DPYD: variants seen among roughly 807,000 people sequenced by gnomAD.
DPYD encodes dihydropyrimidine dehydrogenase [NADP(+)].
DPYD carries 109 observed loss-of-function variants against 116.2 expected under a neutral mutation model. That is an observed-to-expected ratio of 0.94 (90% CI 0.80 to 1.10). The LOEUF is 1.10. Ranked by LOEUF, DPYD falls within the 50% of genes least tolerant of loss-of-function variation. The probability of loss-of-function intolerance (pLI) is 0.00; values close to 1 mark genes in which losing one functional copy is unlikely to be tolerated. For missense variants in DPYD, 1,302 were observed against 1,254.5 expected (o/e 1.04, Z -0.57); for synonymous variants, 440 against 432.0 (o/e 1.02, Z -0.23).
intron 2 of DPYD, among the ~76,000 whole-genome samples, chr1:97,841,621 A>C (rs1000312211): frequency 1.3e-5 from 2 of 152,030 alleles, no homozygotes. Context: ...TGAATATCTG[A>C]CATAAGTATT....
chr1:97,593,145 T>G, intron 10 of DPYD, 73 bp downstream of exon 10: 2 of 1,537,080 alleles, frequency 1.3e-6, no homozygotes, highest in Admixed American at 3.3e-5. Context: ...TTCTAGCGAT[T>G]TAAACATTAA....
At chr1:97,432,767 G>A (rs1187767263) in intron 14 of DPYD, among the ~76,000 whole-genome samples, 1 of 152,106 alleles carries the variant, frequency 6.6e-6, no homozygotes, top group Non-Finnish European at 1.5e-5. Flanking sequence ...TGCTAATTAG[G>A]AGACTGAGTG....
intron 8 of DPYD, among the ~76,000 whole-genome samples, chr1:97,643,645 G>A (rs1373579194): frequency 1.3e-5 from 2 of 152,128 alleles, no homozygotes; most frequent in Non-Finnish European, 2.9e-5. Flanking sequence ...TATATTTATT[G>A]TGGCACTGTT....
chr1:97,831,802 A>G (rs1334398928), intron 2 of DPYD, among the ~76,000 whole-genome samples: 1 of 151,958 alleles, frequency 6.6e-6, no homozygotes, highest in Non-Finnish European at 1.5e-5. Flanking sequence ...AAAAATAATC[A>G]GTGATTAGTA....
At chr1:97,368,465 CA>C (rs547075528) in intron 16 of DPYD, among the ~76,000 whole-genome samples, 518 of 152,232 alleles carry the variant, frequency 3.4e-3, no homozygotes, top group Non-Finnish European at 5.5e-3. Flanking sequence ...AAAATCATCC[CA>C]AGAGGGTTAT....
intron 3 of DPYD, among the ~76,000 whole-genome samples, chr1:97,744,710 C>G (rs6686280): frequency 1 from 151,417 of 152,134 alleles, 75,352 homozygotes; most frequent in Middle Eastern, 1. Context: ...ACCTAATTTA[C>G]ATGTATCAGA....
At chr1:97,536,330 T>A (rs1649994606) in intron 12 of DPYD, among the ~76,000 whole-genome samples, 1 of 152,228 alleles carries the variant, frequency 6.6e-6, no homozygotes. Context: ...TTTTTCAACC[T>A]GACAGTGGCC....
chr1:97,484,218 C>T (rs374970950), intron 13 of DPYD, among the ~76,000 whole-genome samples: 9 of 152,214 alleles, frequency 5.9e-5, no homozygotes, highest in South Asian at 2.1e-4. Flanking sequence ...GTAGGAGAAT[C>T]GTTTGAAGCC....
intron 8 of DPYD, among the ~76,000 whole-genome samples, chr1:97,650,651 A>G (rs1208278104): frequency 6.6e-6 from 1 of 152,162 alleles, no homozygotes; most frequent in Non-Finnish European, 1.5e-5. Context: ...GAGGCAAGTT[A>G]AACAAACAGA....
intron 20 of DPYD, among the ~76,000 whole-genome samples, chr1:97,184,824 C>G (rs751816352): frequency 6.6e-6 from 1 of 151,986 alleles, no homozygotes; most frequent in Non-Finnish European, 1.5e-5. Context: ...TTACCATCTG[C>G]AAATAAAGAC....
At chr1:97,119,464 G>A (rs1332508032) in intron 20 of DPYD, among the ~76,000 whole-genome samples, 1 of 152,174 alleles carries the variant, frequency 6.6e-6, no homozygotes, top group Non-Finnish European at 1.5e-5. Context: ...TTAGGATTGT[G>A]TGTCATGGGC....
At chr1:97,494,879 T>C (rs941858962) in intron 13 of DPYD, among the ~76,000 whole-genome samples, 3 of 151,992 alleles carry the variant, frequency 2.0e-5, no homozygotes, top group African/African-American at 7.2e-5. Flanking sequence ...AAAGTCAAAA[T>C]ACTGGGCAGA....
At chr1:97,178,478 G>C (rs1359321067) in intron 20 of DPYD, among the ~76,000 whole-genome samples, 2 of 152,104 alleles carry the variant, frequency 1.3e-5, no homozygotes, top group Non-Finnish European at 2.9e-5. Context: ...TGAGTGAAGA[G>C]GGAAGAGCCC....
Position 97,729,028 on chromosome 1 carries a change from C to T in DPYD, c.322-7357G>A, listed in dbSNP as rs184874685. ...ATTCTCTTTTCATATCTTAGATATACCACATTTTAGATCAGCTTTATACAA... is the reference window on the plus strand; with the variant it reads ...ATTCTCTTTTCATATCTTAGATATATCACATTTTAGATCAGCTTTATACAA... On this transcript the variant is annotated intron_variant, in intron 4 of 22. Transcript: ENST00000370192. Among the ~76,000 whole-genome samples the T allele has an allele frequency of 3.9e-5, 6 of 152,084 alleles. No homozygotes were observed. In the East Asian group the frequency reaches 1.2e-3, roughly 29 times the overall value.
At chr1:97,589,986 T>C (rs1016351755) in intron 10 of DPYD, among the ~76,000 whole-genome samples, 4 of 152,182 alleles carry the variant, frequency 2.6e-5, no homozygotes, top group African/African-American at 9.7e-5. Flanking sequence ...TTCTTCATAT[T>C]GGCTAAAAAT....
intron 13 of DPYD, among the ~76,000 whole-genome samples, chr1:97,457,105 A>G (rs1676731165): frequency 6.6e-6 from 1 of 152,122 alleles, no homozygotes; most frequent in South Asian, 2.1e-4. Flanking sequence ...AGACAGTGGA[A>G]GAAGTAGGTA....
chr1:97,500,522 T>A (rs1679517954), intron 13 of DPYD, among the ~76,000 whole-genome samples: 1 of 152,062 alleles, frequency 6.6e-6, no homozygotes, highest in Non-Finnish European at 1.5e-5. Context: ...GAGGCATTGT[T>A]TTAGATGCAT....
chr1:97,225,559 TG>T (rs759064497), intron 19 of DPYD, among the ~76,000 whole-genome samples: 235 of 135,800 alleles, frequency 1.7e-3, no homozygotes, highest in African/African-American at 5.6e-3. Context: ...GAAATCAGGT[TG>T]TTTTTTTTTT....
chr1:97,471,809 C>G (rs538552432), intron 13 of DPYD, among the ~76,000 whole-genome samples: 5 of 152,246 alleles, frequency 3.3e-5, no homozygotes, highest in African/African-American at 1.2e-4. Context: ...ACCCTGGTCT[C>G]AAACTCCTGG....
Sources: gnomAD v4.1 joint callset for allele counts (sites outside exome capture counted in the v4.1 genomes callset) on GRCh38, gnomAD v4.1.1 for gene constraint, MANE v1.5 for transcripts, NCBI Gene and HGNC (gene_info 2026-07-23, HGNC 2026-07-21) for gene names.